BANK1: variants seen among roughly 807,000 people sequenced by gnomAD.
The protein encoded by BANK1 is B-cell scaffold protein with ankyrin repeats.
BANK1 carries 95 observed loss-of-function variants against 94.5 expected under a neutral mutation model. The ratio of observed to expected loss-of-function variants is 1.00; its 90% confidence interval spans 0.85 to 1.19. BANK1 has a LOEUF of 1.19. BANK1 is among the 50% of genes most tolerant of loss of function. The pLI is 0.00. For synonymous variants in BANK1, 334 were observed against 308.4 expected (o/e 1.08, Z -0.87); for missense variants, 987 against 932.2 (o/e 1.06, Z -0.77).
Position 101,870,563 on chromosome 4 carries a change from A to T in BANK1, c.822A>T (p.Thr274=), listed in dbSNP as rs1560609799. 1 of 1,612,870 alleles carries T rather than the reference A, an allele frequency of 6.2e-7. No individual in the cohort carries two copies. Among genetic ancestry groups the T allele is most frequent in the Non-Finnish European group, 8.5e-7 (1 of 1,179,308 alleles). The change falls in exon 5 of 17, where the codon ACA becomes ACT. Residue 274 remains threonine (T), a synonymous_variant. Transcript: ENST00000322953. ...NVYCDGIVKA[T]TKIKYYPTAK... ...ACTGTGATGGAATCGTTAAAGCTACAACCAAAATTAAGTACTACCCAACAG... is the reference window on the plus strand; with the variant it reads ...ACTGTGATGGAATCGTTAAAGCTACTACCAAAATTAAGTACTACCCAACAG...
chr4:102,007,070 AT>A (rs1425032841), intron 7 of BANK1, among the ~76,000 whole-genome samples: 2 of 97,132 alleles, frequency 2.1e-5, no homozygotes, highest in Non-Finnish European at 4.6e-5. Context: ...ATATAATTTT[AT>A]ATATATATAA....
chr4:101,879,111 G>A (rs1349831614), intron 5 of BANK1, among the ~76,000 whole-genome samples: 2 of 151,914 alleles, frequency 1.3e-5, no homozygotes, highest in Non-Finnish European at 2.9e-5. Context: ...AAAGATCAGA[G>A]CAGAAATAAA....
At chr4:102,041,063 G>C (rs1052857430) in intron 10 of BANK1, among the ~76,000 whole-genome samples, 1 of 151,952 alleles carries the variant, frequency 6.6e-6, no homozygotes, top group African/African-American at 2.4e-5. Flanking sequence ...CACAACTCTT[G>C]CTTTACAAAA....
chr4:101,956,191 T>C (rs527997180), intron 7 of BANK1, among the ~76,000 whole-genome samples: 1 of 152,300 alleles, frequency 6.6e-6, no homozygotes, highest in South Asian at 2.1e-4. Context: ...TCCTTGACTA[T>C]GTTTTTTGTC....
chr4:102,041,738 C>T (rs927158741), intron 10 of BANK1, among the ~76,000 whole-genome samples: 3 of 152,014 alleles, frequency 2.0e-5, no homozygotes, highest in Non-Finnish European at 2.9e-5. Flanking sequence ...TTGTCCCCAG[C>T]TGTTCCGAAT....
chr4:102,031,424 C>T (rs1336035799), intron 10 of BANK1, among the ~76,000 whole-genome samples: 2 of 152,164 alleles, frequency 1.3e-5, no homozygotes, highest in African/African-American at 2.4e-5. Context: ...TTTTGCTGTG[C>T]AGAAGCGCTT....
At chr4:101,835,886 AAC>A (rs1183594727) in intron 2 of BANK1, among the ~76,000 whole-genome samples, 3 of 152,138 alleles carry the variant, frequency 2.0e-5, no homozygotes, top group Non-Finnish European at 4.4e-5. Flanking sequence ...CCATTGAACA[AAC>A]ACAGCCTTTC....
intron 7 of BANK1, among the ~76,000 whole-genome samples, chr4:101,969,895 ATTAT>A (rs1724896518): frequency 6.6e-6 from 1 of 152,114 alleles, no homozygotes; most frequent in African/African-American, 2.4e-5. Flanking sequence ...GATCAGTAAA[ATTAT>A]TTATTATTTT....
rs571410063 is a variant in BANK1 at position 101,949,039 on chromosome 4, T to C, written c.1206+30850T>C. On this transcript the variant is annotated intron_variant, in intron 7 of 16. Coordinates refer to ENST00000322953, the MANE Select transcript of BANK1 (RefSeq NM_017935.5). ...TTGCAAGTGCCTCATTTGTCTCACC[T>C]TGGTCCTGGTCCTGTCGCTGAGGCT... Among the ~76,000 whole-genome samples, 20 of 152,238 alleles carry C rather than the reference T, an allele frequency of 1.3e-4. No individual in the cohort carries two copies. In the South Asian group the frequency reaches 3.9e-3, roughly 30 times the overall value.
At chr4:101,803,106 ATTG>A (rs146974286) in intron 1 of BANK1, among the ~76,000 whole-genome samples, 4,187 of 152,290 alleles carry the variant, frequency 0.027, 201 homozygotes, top group African/African-American at 0.095. Context: ...TATGGGATGC[ATTG>A]TTGTCTCAAC....
intron 6 of BANK1, among the ~76,000 whole-genome samples, chr4:101,907,031 C>T (rs1159467604): frequency 2.0e-5 from 3 of 152,186 alleles, no homozygotes; most frequent in Non-Finnish European, 4.4e-5. Flanking sequence ...CAGTCATTAG[C>T]ATTGTTTCCA....
At chr4:101,796,696 A>G (rs1466011070) in intron 1 of BANK1, among the ~76,000 whole-genome samples, 1 of 152,228 alleles carries the variant, frequency 6.6e-6, no homozygotes, top group Non-Finnish European at 1.5e-5. Flanking sequence ...GCTTTGAATT[A>G]TGTAGCTATA....
chr4:101,865,413 C>A (rs149528238), intron 4 of BANK1, among the ~76,000 whole-genome samples: 1 of 152,086 alleles, frequency 6.6e-6, no homozygotes, highest in South Asian at 2.1e-4. Flanking sequence ...CTCCATGAAT[C>A]CCACCAGGTT....
At chr4:101,848,539 G>A (rs1286304792) in intron 2 of BANK1, among the ~76,000 whole-genome samples, 2 of 152,000 alleles carry the variant, frequency 1.3e-5, no homozygotes, top group Non-Finnish European at 2.9e-5. Flanking sequence ...TGCTACACTG[G>A]GAAAGGAAAG....
intron 5 of BANK1, among the ~76,000 whole-genome samples, chr4:101,888,623 C>T (rs1472332551): frequency 6.6e-6 from 1 of 152,180 alleles, no homozygotes; most frequent in Non-Finnish European, 1.5e-5. Context: ...ATTAGCTCTG[C>T]CAATTTGCGT....
chr4:101,895,029 TTATAAAA>T (rs1722013354), intron 5 of BANK1, among the ~76,000 whole-genome samples: 1 of 151,754 alleles, frequency 6.6e-6, no homozygotes, highest in South Asian at 2.1e-4. Context: ...TATTTTATAG[TTATAAAA>T]TATAAAGTTA....
At chr4:101,791,192 A>C (rs1005904097) in intron 1 of BANK1, among the ~76,000 whole-genome samples, 1 of 147,446 alleles carries the variant, frequency 6.8e-6, no homozygotes, top group Admixed American at 6.7e-5. Flanking sequence ...CCAGCGGGCT[A>C]CCCTCAGTGT....
At chr4:101,981,421 T>A (rs1040656668) in intron 7 of BANK1, among the ~76,000 whole-genome samples, 1 of 152,040 alleles carries the variant, frequency 6.6e-6, no homozygotes, top group Non-Finnish European at 1.5e-5. Flanking sequence ...AGGAATAAAT[T>A]CCCCTTGGTC....
intron 10 of BANK1, among the ~76,000 whole-genome samples, chr4:102,031,607 G>T (rs925537309): frequency 2.0e-5 from 3 of 152,072 alleles, no homozygotes; most frequent in African/African-American, 7.2e-5. Context: ...CATTAAAAAG[G>T]ATAATGACAA....
Sources: allele counts gnomAD v4.1 joint callset (sites outside exome capture counted in the v4.1 genomes callset), GRCh38; gene constraint gnomAD v4.1.1; transcripts MANE v1.5; gene names NCBI Gene and HGNC (gene_info 2026-07-23, HGNC 2026-07-21).